ADGRG6: variants seen among roughly 807,000 people sequenced by gnomAD.
The protein encoded by ADGRG6 is adhesion G protein-coupled receptor G6, also known as G-protein coupled receptor 126.
In ADGRG6, 84 loss-of-function variants were observed where a neutral mutation model predicts 142.4. The observed-to-expected ratio is 0.59, with a 90% CI of 0.49 to 0.71. ADGRG6 has a LOEUF of 0.71. Among genes scored for constraint, ADGRG6 ranks in the 30% least tolerant of loss-of-function variants. The pLI is 0.00. For missense variants in ADGRG6, 1,367 were observed against 1,466.6 expected (o/e 0.93, Z 1.11); for synonymous variants, 521 against 520.5 (o/e 1.00, Z -0.01).
intron 18 of ADGRG6, among the ~76,000 whole-genome samples, 154 bp from the exon 19 acceptor site, chr6:142,414,815 T>A (rs1235600399): frequency 6.6e-6 from 1 of 152,198 alleles, no homozygotes; most frequent in Non-Finnish European, 1.5e-5. Flanking sequence ...TCGAAAATAA[T>A]ATAATAAATG....
intron 9 of ADGRG6, among the ~76,000 whole-genome samples, chr6:142,397,166 TATAA>T (rs545499990): frequency 6.6e-4 from 101 of 152,214 alleles, no homozygotes; most frequent in African/African-American, 2.2e-3. Flanking sequence ...TGTTAGTAAA[TATAA>T]ATAGTTAATT....
chr6:142,326,208 T>G (rs920358096), intron 2 of ADGRG6, among the ~76,000 whole-genome samples: 1 of 152,032 alleles, frequency 6.6e-6, no homozygotes, highest in African/African-American at 2.4e-5. Flanking sequence ...TACTTGACTT[T>G]AAACACGTTG....
intron 6 of ADGRG6, 137 bp from the exon 7 acceptor site, chr6:142,390,116 TTTAAC>T (rs998138716): frequency 2.5e-5 from 9 of 359,898 alleles, no homozygotes; most frequent in Non-Finnish European, 3.5e-5. Context: ...AGGTGTTTCT[TTTAAC>T]TTATATTGTA....
chr6:142,393,829 C>T (rs1391055843), intron 8 of ADGRG6, 67 bp from the exon 9 acceptor site: 2 of 988,358 alleles, frequency 2.0e-6, no homozygotes, highest in East Asian at 5.3e-5. Flanking sequence ...TTTCAGGTCC[C>T]CAAATTTTAT....
intron 22 of ADGRG6, among the ~76,000 whole-genome samples, chr6:142,436,630 TAAAA>T (rs1243816558): frequency 2.0e-5 from 3 of 152,110 alleles, no homozygotes; most frequent in Non-Finnish European, 4.4e-5. Context: ...TGTTTGTTCT[TAAAA>T]AAAGTGTTTT....
At chr6:142,410,676 G>A (rs1159549274) in intron 17 of ADGRG6, among the ~76,000 whole-genome samples, 1 of 151,838 alleles carries the variant, frequency 6.6e-6, no homozygotes, top group Non-Finnish European at 1.5e-5. Context: ...TTTGGTGGAG[G>A]GGTTTAGTTG....
chr6:142,402,822 A>G lies in ADGRG6; in HGVS notation c.1947A>G (p.Ser649=), dbSNP rs1562369231. The G allele has an allele frequency of 1.9e-6, 3 of 1,551,068 alleles. No individual in the cohort carries two copies. The highest frequency in any genetic ancestry group is 1.2e-5 in the South Asian group (1 of 84,116). Residue 649 remains serine (S), a synonymous_variant, in exon 13 of 25, where the codon TCA becomes TCG. Coordinates refer to ENST00000367609, the MANE Select transcript of ADGRG6 (RefSeq NM_198569.3). ...LSSSDSDLLE[S]SSEALKTIDE... Reference sequence around the variant, plus strand: ...GTTCAGACAGTGACTTGCTTGAGTCATCTTCTGAGTAAGTATTTTTTTTTT... The same window carrying G: ...GTTCAGACAGTGACTTGCTTGAGTCGTCTTCTGAGTAAGTATTTTTTTTTT...
intron 2 of ADGRG6, among the ~76,000 whole-genome samples, chr6:142,343,500 T>C (rs1000464786): frequency 6.6e-6 from 1 of 151,880 alleles, no homozygotes; most frequent in Non-Finnish European, 1.5e-5. Context: ...GAAATTGTTC[T>C]AAGAAACATA....
chr6:142,411,296 C>G lies in ADGRG6; in HGVS notation c.2435-9C>G. ...CTGTTTTCACACTGTTTGTTGATTC[C>G]TTCAACAGAAAGTTTTGGAGGATGG... is the stretch of plus-strand genomic sequence containing the variant. On this transcript the variant is annotated splice_polypyrimidine_tract_variant and intron_variant, in intron 17 of 24. Transcript: ENST00000367609. The G allele has an allele frequency of 2.7e-6, 4 of 1,487,620 alleles. No individual in the cohort carries two copies. Among genetic ancestry groups the G allele is most frequent in the Non-Finnish European group, 3.8e-6 (4 of 1,064,948 alleles). 92.2% of individuals were successfully genotyped at this position (1,487,620 alleles called of 1,614,324 possible).
Position 142,420,011 on chromosome 6 carries a change from C to G in ADGRG6, c.3226C>G (p.Leu1076Val), listed in dbSNP as rs772223725. ...NLRSVVSLTF[L>V]LGMTWGFAFF... ...GCGCAGTGTGGTTAGCTTGACCTTTCTGTTGGGCATGACATGGGGTTTTGC... is the reference window on the plus strand; with the variant it reads ...GCGCAGTGTGGTTAGCTTGACCTTTGTGTTGGGCATGACATGGGGTTTTGC... The change falls in exon 22 of 25, where the codon CTG becomes GTG. Residue 1076 changes from leucine (L) to valine (V), a missense_variant. Coordinates refer to ENST00000367609, the MANE Select transcript of ADGRG6 (RefSeq NM_198569.3). 6.2e-7 allele frequency: 1 copy of G among 1,613,556 alleles called. No homozygotes were observed. Among genetic ancestry groups the G allele is most frequent in the South Asian group, 1.1e-5 (1 of 91,076 alleles).
chr6:142,334,294 A>G (rs1457738281), intron 2 of ADGRG6, among the ~76,000 whole-genome samples: 9 of 152,222 alleles, frequency 5.9e-5, no homozygotes, highest in Non-Finnish European at 1.3e-4. Context: ...AAGGTGGTAA[A>G]GACAAGAGAA....
intron 2 of ADGRG6, among the ~76,000 whole-genome samples, chr6:142,365,311 G>A (rs1583041000): frequency 6.6e-6 from 1 of 152,176 alleles, no homozygotes; most frequent in East Asian, 1.9e-4. Context: ...GTTTGACTTG[G>A]TTATACTGCA....
At chr6:142,383,707 T>C (rs902679654) in intron 5 of ADGRG6, 53 bp from the exon 6 acceptor site, 1 of 832,542 alleles carries the variant, frequency 1.2e-6, no homozygotes, top group Non-Finnish European at 2.0e-6. Context: ...CTTATCCAAA[T>C]TAACTGTCAT....
At chr6:142,417,149 T>C (rs1349934172) in intron 20 of ADGRG6, 124 bp from the exon 21 acceptor site, 1 of 718,030 alleles carries the variant, frequency 1.4e-6, no homozygotes, top group Non-Finnish European at 2.6e-6. Context: ...GAATCTGGGA[T>C]ATGGAATGTT....
intron 12 of ADGRG6, 38 bp downstream of exon 12, chr6:142,402,096 A>C (rs1583098142): frequency 1.1e-6 from 1 of 931,730 alleles, no homozygotes; most frequent in East Asian, 2.6e-5. Context: ...CAAGGACAAA[A>C]TGACATGACT....
chr6:142,400,369 A>C, intron 10 of ADGRG6, 116 bp from the exon 11 acceptor site: 1 of 600,224 alleles, frequency 1.7e-6, no homozygotes, highest in Non-Finnish European at 3.0e-6. Context: ...TTTTGGTATT[A>C]CATTAAAGAA....
In ADGRG6 at chr6:142,438,239, T is replaced by C; in HGVS notation, c.3449T>C (p.Ile1150Thr). The change falls in exon 24 of 25, where the codon ATC (isoleucine) becomes ACC (threonine). Residue 1150 changes from isoleucine (I) to threonine (T), a missense_variant. Around this residue, in one of 3 missense-constraint regions of ADGRG6, gnomAD observed 344 missense variants for 348.7 expected, o/e 0.99. Coordinates refer to ENST00000367609, the MANE Select transcript of ADGRG6 (RefSeq NM_198569.3). ...SDWSKTATNI[I>T]KKSSDNLGKS... The stretch of plus-strand genomic sequence containing the variant: ...TGGAGTAAGACAGCTACCAATATCA[T>C]CAAGAAAAGTTCTGATAATCTAGGA... The C allele has an allele frequency of 6.2e-7, 1 of 1,602,200 alleles. No individual in the cohort carries two copies. The highest frequency in any genetic ancestry group is 8.5e-7 in the Non-Finnish European group (1 of 1,173,186).
intron 4 of ADGRG6, among the ~76,000 whole-genome samples, chr6:142,374,716 G>A (rs78010388): frequency 0.023 from 3,541 of 152,252 alleles, 151 homozygotes; most frequent in African/African-American, 0.081. Flanking sequence ...GCTCCAACAC[G>A]TGTCTCCTGT....
chr6:142,379,092 A>C (rs1380532415), intron 4 of ADGRG6, among the ~76,000 whole-genome samples: 1 of 152,180 alleles, frequency 6.6e-6, no homozygotes, highest in Non-Finnish European at 1.5e-5. Flanking sequence ...TAGGTGTCAC[A>C]CAGGCACCTC....
Sources: allele counts gnomAD v4.1 joint callset (sites outside exome capture counted in the v4.1 genomes callset), GRCh38; gene constraint gnomAD v4.1.1; regional missense constraint gnomAD v4.1.1; transcripts MANE v1.5; gene names NCBI Gene and HGNC (gene_info 2026-07-23, HGNC 2026-07-21).